The following ADAM22 variants were observed in gnomAD, a reference collection of about 807,000 sequenced individuals.
ADAM22 encodes ADAM metallopeptidase domain 22.
ADAM22 carries 65 observed loss-of-function variants against 144.6 expected under a neutral mutation model. That is an observed-to-expected ratio of 0.45 (90% CI 0.37 to 0.55). The LOEUF is 0.55. Ranked by LOEUF, ADAM22 falls within the 20% of genes least tolerant of loss-of-function variation. The pLI, the probability that ADAM22 is intolerant of heterozygous loss-of-function variation, is 0.00. For missense variants in ADAM22, 974 were observed against 1,184.9 expected (o/e 0.82, Z 2.61); for synonymous variants, 391 against 412.6 (o/e 0.95, Z 0.63).
intron 2 of ADAM22, among the ~76,000 whole-genome samples, chr7:87,955,949 T>C (rs563466678): frequency 3.3e-5 from 5 of 152,310 alleles, no homozygotes; most frequent in Non-Finnish European, 7.3e-5. Context: ...GGATATAATC[T>C]CCTGGTGCGC....
At chr7:88,029,406 C>T (rs554177692) in intron 3 of ADAM22, among the ~76,000 whole-genome samples, 1 of 151,950 alleles carries the variant, frequency 6.6e-6, no homozygotes, top group South Asian at 2.1e-4. Flanking sequence ...TTTGTTGTTT[C>T]TACTTTTTAT....
rs750379373 is a variant in ADAM22, at chr7:88,186,717, A to C, written c.2750+16A>C. ...CATACTTTAGGTATTTTATAAATTA[A>C]TTTTTATATCCTTCTCAAACTCTCC... On this transcript the variant is annotated intron_variant, in intron 30 of 31. Transcript: ENST00000413139. The C allele has an allele frequency of 1.4e-6, 2 of 1,469,700 alleles. No individual in the cohort carries two copies. Among genetic ancestry groups the C allele is most frequent in the Admixed American group, 1.7e-5 (1 of 59,156 alleles). The allele number at this position is 1,469,700 out of a possible 1,614,324, so 91.0% of individuals were successfully genotyped here.
chr7:87,935,459 C>T (rs537196829), intron 2 of ADAM22, among the ~76,000 whole-genome samples: 1 of 152,150 alleles, frequency 6.6e-6, no homozygotes, highest in East Asian at 1.9e-4. Context: ...GGCGGAGAGC[C>T]CTCTGACATC....
intron 3 of ADAM22, among the ~76,000 whole-genome samples, chr7:88,058,337 T>A (rs1808839076): frequency 6.6e-6 from 1 of 152,220 alleles, no homozygotes; most frequent in South Asian, 2.1e-4. Flanking sequence ...AACCTGACAG[T>A]CATAGTTTTG....
At chr7:87,987,247 C>G (rs528703987) in intron 3 of ADAM22, among the ~76,000 whole-genome samples, 11 of 152,068 alleles carry the variant, frequency 7.2e-5, no homozygotes, top group Non-Finnish European at 1.5e-4. Flanking sequence ...GGCACAATCT[C>G]AGCACACTGC....
At chr7:88,152,094 G>T (rs1838555380) in intron 20 of ADAM22, among the ~76,000 whole-genome samples, 1 of 152,134 alleles carries the variant, frequency 6.6e-6, no homozygotes, top group African/African-American at 2.4e-5. Context: ...TTTAGGAGGG[G>T]AAGTGTATGC....
chr7:88,170,330 G>A (rs1844006957), intron 25 of ADAM22, among the ~76,000 whole-genome samples: 1 of 151,816 alleles, frequency 6.6e-6, no homozygotes, highest in South Asian at 2.1e-4. Flanking sequence ...TGAATATGAT[G>A]TTTTACTTAT....
At chr7:88,016,989 G>A (rs183744697) in intron 3 of ADAM22, among the ~76,000 whole-genome samples, 2 of 151,896 alleles carry the variant, frequency 1.3e-5, no homozygotes, top group East Asian at 1.9e-4. Flanking sequence ...ATGGTGGTAG[G>A]CACCTGTAGT....
At chr7:88,045,363 A>G (rs955075943) in intron 3 of ADAM22, among the ~76,000 whole-genome samples, 8 of 151,848 alleles carry the variant, frequency 5.3e-5, no homozygotes, top group African/African-American at 1.2e-4. Flanking sequence ...AATTCTTTCT[A>G]TGTCTTGCAG....
chr7:88,034,369 C>A (rs1801009243), intron 3 of ADAM22, among the ~76,000 whole-genome samples: 2 of 152,326 alleles, frequency 1.3e-5, no homozygotes, highest in East Asian at 3.9e-4. Flanking sequence ...CCTCACGACT[C>A]TTCCCAGTGC....
chr7:87,994,994 A>AT (rs571211197), intron 3 of ADAM22, among the ~76,000 whole-genome samples: 31 of 151,152 alleles, frequency 2.1e-4, no homozygotes, highest in Admixed American at 5.9e-4. Flanking sequence ...CGCCTGGCTA[A>AT]TTTTTTTTTG....
At chr7:88,014,842 T>C (rs1341161788) in intron 3 of ADAM22, among the ~76,000 whole-genome samples, 1 of 152,170 alleles carries the variant, frequency 6.6e-6, no homozygotes, top group East Asian at 1.9e-4. Context: ...GATCCTCAGA[T>C]TGGCTGCAGC....
chr7:88,023,139 C>A (rs12668239), intron 3 of ADAM22, among the ~76,000 whole-genome samples: 2 of 152,102 alleles, frequency 1.3e-5, no homozygotes, highest in African/African-American at 4.8e-5. Context: ...TTTCTTCCTT[C>A]GTTTTAATGA....
At chr7:88,083,292 A>G (rs1585559894) in intron 4 of ADAM22, among the ~76,000 whole-genome samples, 1 of 152,062 alleles carries the variant, frequency 6.6e-6, no homozygotes, top group East Asian at 1.9e-4. Flanking sequence ...GAACAGTGAG[A>G]ACACATGGAC....
At chr7:88,042,647 A>C (rs1803443192) in intron 3 of ADAM22, among the ~76,000 whole-genome samples, 1 of 151,806 alleles carries the variant, frequency 6.6e-6, no homozygotes, top group African/African-American at 2.4e-5. Context: ...ATTTCTCTTC[A>C]TTTAGGAAAA....
At chr7:88,172,090 T>C (rs934116466) in intron 26 of ADAM22, among the ~76,000 whole-genome samples, 6 of 151,862 alleles carry the variant, frequency 4.0e-5, no homozygotes, top group African/African-American at 1.4e-4. Context: ...TTTTTTGTAT[T>C]GATTAGGTAA....
chr7:88,162,645 T>C (rs1006288399), intron 22 of ADAM22, among the ~76,000 whole-genome samples: 3 of 152,124 alleles, frequency 2.0e-5, no homozygotes, highest in African/African-American at 7.2e-5. Flanking sequence ...AATAGTTTAG[T>C]CATTCTCAAA....
rs892234893 is a variant in ADAM22 at position 88,186,744 on chromosome 7, A to G, written c.2750+43A>G. On this transcript the variant is annotated intron_variant, in intron 30 of 31. Coordinates refer to ENST00000413139, the MANE Select transcript of ADAM22 (RefSeq NM_001324418.2). ...TTTTATATCCTTCTCAAACTCTCCC[A>G]GCACATACAAATACTGTAGTGTGAC... The G allele has an allele frequency of 2.4e-6, 3 of 1,226,064 alleles. No individual in the cohort carries two copies. In the East Asian group the frequency reaches 7.0e-5, roughly 29 times the overall value. The allele number at this position is 1,226,064 out of a possible 1,614,324, so 75.9% of individuals were successfully genotyped here.
chr7:87,939,453 T>G (rs1842031185), intron 2 of ADAM22, among the ~76,000 whole-genome samples: 1 of 152,214 alleles, frequency 6.6e-6, no homozygotes. Flanking sequence ...CTGACCAGAT[T>G]CATGTTATTG....
Sources: allele counts gnomAD v4.1 joint callset (sites outside exome capture counted in the v4.1 genomes callset), GRCh38; gene constraint gnomAD v4.1.1; transcripts MANE v1.5; gene names NCBI Gene and HGNC (gene_info 2026-07-23, HGNC 2026-07-21).